Variants in DISC1 observed in about 807,000 individuals in gnomAD.
The protein encoded by DISC1 is DISC1 scaffold protein, also known as disrupted in schizophrenia 1 protein.
In DISC1, 57 loss-of-function variants were observed where a neutral mutation model predicts 84.5. The observed-to-expected ratio is 0.67, with a 90% confidence interval of 0.55 to 0.84. The LOEUF is 0.84. Among genes scored for constraint, DISC1 ranks in the 40% least tolerant of loss-of-function variants. The pLI, the probability that DISC1 is intolerant of heterozygous loss-of-function variation, is 0.00. For missense variants in DISC1, 1,000 were observed against 1,057.8 expected (o/e 0.95, Z 0.76); for synonymous variants, 411 against 415.2 (o/e 0.99, Z 0.12).
chr1:231,790,920 C>T (rs1262906895), intron 6 of DISC1, among the ~76,000 whole-genome samples: 1 of 152,212 alleles, frequency 6.6e-6, no homozygotes, highest in Non-Finnish European at 1.5e-5. Context: ...TATCTCCAAA[C>T]ATCGTCACAT....
At chr1:231,878,056 T>C (rs1260841384) in intron 9 of DISC1, among the ~76,000 whole-genome samples, 1 of 152,236 alleles carries the variant, frequency 6.6e-6, no homozygotes, top group Non-Finnish European at 1.5e-5. Flanking sequence ...AAATGTCTGA[T>C]GCAAAGAAAT....
intron 9 of DISC1, among the ~76,000 whole-genome samples, chr1:231,958,009 CAAT>C (rs934737283): frequency 4.6e-5 from 7 of 152,278 alleles, no homozygotes; most frequent in Non-Finnish European, 8.8e-5. Flanking sequence ...CCCACAATAA[CAAT>C]AATAATACTA....
intron 10 of DISC1, among the ~76,000 whole-genome samples, chr1:232,000,733 A>G (rs192564014): frequency 2.0e-4 from 31 of 152,346 alleles, no homozygotes; most frequent in Non-Finnish European, 3.5e-4. Flanking sequence ...CAAAATTTCA[A>G]TAACAGTGAA....
intron 9 of DISC1, among the ~76,000 whole-genome samples, chr1:231,947,618 A>T (rs896267325): frequency 6.6e-6 from 1 of 152,256 alleles, no homozygotes; most frequent in Non-Finnish European, 1.5e-5. Context: ...GGATCTAATT[A>T]AACTAAAGAG....
At position 232,009,359 on chromosome 1, in the gene DISC1, T is replaced by C; in HGVS notation, c.2307+310T>C. 1.1e-6 allele frequency: 1 copy of C among 937,296 alleles called. No individual in the cohort carries two copies. The highest frequency in any genetic ancestry group is 1.3e-6 in the Non-Finnish European group (1 of 757,596). The allele number at this position is 937,296 out of a possible 1,614,324, so 58.1% of individuals were successfully genotyped here. ...TATATAGCATACATTATATATGTCA[T>C]ATATAATATAGTTATTATATTCACT... is the stretch of plus-strand genomic sequence containing the variant. On this transcript the variant is annotated intron_variant, in intron 11 of 12. Transcript: ENST00000439617. The surrounding 1 kb of genome is among the most constrained non-coding windows in gnomAD (Gnocchi z 4.6).
chr1:231,641,640 ACATCCTG>A (rs1242250214), intron 1 of DISC1, among the ~76,000 whole-genome samples: 1 of 152,166 alleles, frequency 6.6e-6, no homozygotes, highest in Non-Finnish European at 1.5e-5. Flanking sequence ...GGCCCCACCC[ACATCCTG>A]CTGATTGGTA....
chr1:232,002,779 G>A (rs1666879262), intron 10 of DISC1, among the ~76,000 whole-genome samples: 1 of 152,114 alleles, frequency 6.6e-6, no homozygotes, highest in South Asian at 2.1e-4. Context: ...GGCAGGTGTG[G>A]TTATAAAAGA....
At chr1:231,715,175 G>C (rs2068517949) in intron 3 of DISC1, among the ~76,000 whole-genome samples, 1 of 152,180 alleles carries the variant, frequency 6.6e-6, no homozygotes, top group Non-Finnish European at 1.5e-5. Flanking sequence ...CTACCTGTCT[G>C]TCTCTGTGAT....
chr1:231,816,384 C>G (rs577209020), intron 8 of DISC1, among the ~76,000 whole-genome samples: 1 of 152,278 alleles, frequency 6.6e-6, no homozygotes, highest in East Asian at 1.9e-4. Flanking sequence ...GACTTGTCGT[C>G]TCATTTTTTA....
chr1:231,887,878 T>C (rs561686203), intron 9 of DISC1, among the ~76,000 whole-genome samples: 2 of 152,372 alleles, frequency 1.3e-5, no homozygotes, highest in East Asian at 3.9e-4. Flanking sequence ...TTGGAGTATT[T>C]ATTTTATGAA....
rs1296754813 is a variant in DISC1, at chr1:231,633,913, T to G, written c.67+6979T>G. On this transcript the variant is annotated intron_variant, in intron 1 of 12. Coordinates refer to ENST00000439617, the MANE Select transcript of DISC1 (RefSeq NM_018662.3). The stretch of plus-strand genomic sequence containing the variant: ...TTTTTTTTTTTTTTGAAACGGAGTC[T>G]TGCTCTGTAGCCCAGGCTGGAGTGC... 6.7e-5 allele frequency among the ~76,000 whole-genome samples: 10 copies of G among 149,240 alleles called. No homozygotes were observed. The South Asian group carries it at 2.1e-3, about 32-fold the overall frequency.
intron 6 of DISC1, among the ~76,000 whole-genome samples, chr1:231,779,897 C>T (rs1346224646): frequency 2.0e-5 from 3 of 152,088 alleles, no homozygotes; most frequent in African/African-American, 2.4e-5. Context: ...TCTTACCTGT[C>T]CCTCCCTTAA....
At chr1:231,832,780 C>T (rs2093550) in intron 9 of DISC1, among the ~76,000 whole-genome samples, 44,323 of 142,628 alleles carry the variant, frequency 0.31, 7,963 homozygotes, top group East Asian at 0.76. Flanking sequence ...ATAGGCAAAA[C>T]AATTTCATTG....
At chr1:231,719,689 T>A (rs1307576171) in intron 3 of DISC1, among the ~76,000 whole-genome samples, 4 of 152,248 alleles carry the variant, frequency 2.6e-5, no homozygotes, top group African/African-American at 9.6e-5. Flanking sequence ...GTATTTTAGA[T>A]CTGCTAGAGA....
At chr1:232,001,028 T>C (rs1311380030) in intron 10 of DISC1, among the ~76,000 whole-genome samples, 1 of 152,202 alleles carries the variant, frequency 6.6e-6, no homozygotes, top group East Asian at 1.9e-4. Flanking sequence ...TATTGTATTA[T>C]GGTGATTGAG....
chr1:231,831,617 G>A (rs1465963824), intron 9 of DISC1, among the ~76,000 whole-genome samples: 2 of 152,142 alleles, frequency 1.3e-5, no homozygotes, highest in African/African-American at 2.4e-5. Context: ...CCTTTGCAGT[G>A]AATGACTCCA....
chr1:231,642,164 C>G (rs1425659248), intron 1 of DISC1, among the ~76,000 whole-genome samples: 1 of 152,200 alleles, frequency 6.6e-6, no homozygotes, highest in Admixed American at 6.5e-5. Flanking sequence ...AAGCCCTTCA[C>G]TGCCCGGGGC....
chr1:231,640,732 C>G (rs1182876917), intron 1 of DISC1, among the ~76,000 whole-genome samples: 2 of 151,930 alleles, frequency 1.3e-5, no homozygotes, highest in South Asian at 2.1e-4. Flanking sequence ...GACAGGATCT[C>G]CCTATGTTAC....
At chr1:231,719,217 A>G (rs1392772206) in intron 3 of DISC1, among the ~76,000 whole-genome samples, 1 of 152,312 alleles carries the variant, frequency 6.6e-6, no homozygotes, top group East Asian at 1.9e-4. Context: ...TAGCATAGCT[A>G]TTGGCTGTCC....
Sources: gnomAD v4.1 joint callset for allele counts (sites outside exome capture counted in the v4.1 genomes callset) on GRCh38, gnomAD v4.1.1 for gene constraint, Gnocchi (gnomAD v3.1) non-coding constraint, MANE v1.5 for transcripts, NCBI Gene and HGNC (gene_info 2026-07-23, HGNC 2026-07-21) for gene names.